Variants in EXOC4 observed in about 807,000 individuals in gnomAD.
EXOC4 encodes exocyst complex component 4.
Under a neutral mutation model 107.2 loss-of-function variants are expected in EXOC4, and 71 were observed. That is an observed-to-expected ratio of 0.66 (90% CI 0.55 to 0.81). EXOC4 has a LOEUF of 0.81. EXOC4 is among the 30% of genes least tolerant of loss of function. EXOC4 has a pLI of 0.00. For synonymous variants in EXOC4, 456 were observed against 441.2 expected (o/e 1.03, Z -0.42); for missense variants, 1,108 against 1,189.6 (o/e 0.93, Z 1.01).
At chr7:133,363,291 A>AT (rs1218861651) in intron 6 of EXOC4, among the ~76,000 whole-genome samples, 2 of 152,000 alleles carry the variant, frequency 1.3e-5, no homozygotes, top group Non-Finnish European at 2.9e-5. Context: ...TGAAAGGATA[A>AT]TTTTTTTTAC....
chr7:134,023,551 G>GAATTAA (rs1187919804), intron 17 of EXOC4, among the ~76,000 whole-genome samples: 1 of 151,818 alleles, frequency 6.6e-6, no homozygotes, highest in East Asian at 1.9e-4. Context: ...GTATGTTTAC[G>GAATTAA]AATTAACTTT....
At chr7:133,956,815 G>A (rs1380269055) in intron 14 of EXOC4, among the ~76,000 whole-genome samples, 1 of 152,182 alleles carries the variant, frequency 6.6e-6, no homozygotes, top group African/African-American at 2.4e-5. Flanking sequence ...TCTTAATGGG[G>A]AAAAGCTGCA....
chr7:133,921,155 A>G (rs917351040), intron 13 of EXOC4, among the ~76,000 whole-genome samples: 5 of 152,192 alleles, frequency 3.3e-5, no homozygotes, highest in African/African-American at 9.6e-5. Flanking sequence ...GGGTGGGGCT[A>G]GTGTAAGTCA....
intron 11 of EXOC4, among the ~76,000 whole-genome samples, chr7:133,823,391 G>A (rs1797571676): frequency 6.6e-6 from 1 of 152,088 alleles, no homozygotes; most frequent in African/African-American, 2.4e-5. Context: ...TCAGGGGTGG[G>A]GCGTGCTTGG....
intron 10 of EXOC4, among the ~76,000 whole-genome samples, chr7:133,791,786 C>T (rs1052580258): frequency 6.6e-6 from 1 of 152,110 alleles, no homozygotes; most frequent in African/African-American, 2.4e-5. Context: ...CCACCACAAA[C>T]TATGTTATTG....
At chr7:133,622,739 T>C (rs1802364516) in intron 9 of EXOC4, among the ~76,000 whole-genome samples, 1 of 152,168 alleles carries the variant, frequency 6.6e-6, no homozygotes. Context: ...ATGGAAAATA[T>C]TTTGTGTGTC....
intron 7 of EXOC4, among the ~76,000 whole-genome samples, chr7:133,404,891 CA>C (rs1797180457): frequency 9.0e-5 from 3 of 33,250 alleles, no homozygotes; most frequent in African/African-American, 3.6e-4. Context: ...CCAATACACA[CA>C]CACACACACA....
chr7:134,019,040 C>G (rs1363810853), intron 17 of EXOC4, among the ~76,000 whole-genome samples: 1 of 152,180 alleles, frequency 6.6e-6, no homozygotes, highest in Non-Finnish European at 1.5e-5. Flanking sequence ...AGCGATTCTC[C>G]TGCCTCAGCC....
At chr7:133,438,992 T>G (rs1371397619) in intron 7 of EXOC4, among the ~76,000 whole-genome samples, 1 of 152,150 alleles carries the variant, frequency 6.6e-6, no homozygotes, top group Non-Finnish European at 1.5e-5. Flanking sequence ...AGGTTTGGTT[T>G]TACTTCTGCC....
chr7:134,031,144 G>A (rs1795262004), intron 17 of EXOC4, among the ~76,000 whole-genome samples: 1 of 152,188 alleles, frequency 6.6e-6, no homozygotes, highest in Admixed American at 6.5e-5. Context: ...ACAGCTAAAG[G>A]ATACAGGGTT....
intron 10 of EXOC4, among the ~76,000 whole-genome samples, chr7:133,705,525 C>A (rs767945173): frequency 1.5e-4 from 23 of 152,172 alleles, no homozygotes; most frequent in Admixed American, 3.9e-4. Context: ...CTATCTGTGA[C>A]TTCAGTTACC....
rs1181946643 is a variant in EXOC4 at position 133,356,326 on chromosome 7, T to C, written c.764-4T>C. 1.3e-5 allele frequency: 21 copies of C among 1,613,134 alleles called. No individual in the cohort carries two copies. The highest frequency in any genetic ancestry group is 1.7e-5 in the Non-Finnish European group (20 of 1,179,704). ...TCTATTATTGTTATTATTTAATTTT[T>C]CAGTGAGGGAGATAAATCTGCAGGA... is the stretch of plus-strand genomic sequence containing the variant. On this transcript the variant is annotated splice_region_variant and splice_polypyrimidine_tract_variant and intron_variant, in intron 5 of 17. Transcript: ENST00000253861.
chr7:133,256,496 C>T (rs1039712857), intron 1 of EXOC4, among the ~76,000 whole-genome samples: 2 of 152,178 alleles, frequency 1.3e-5, no homozygotes, highest in Non-Finnish European at 2.9e-5. Context: ...TTTCCATGGA[C>T]TTATTTTGTC....
chr7:134,080,400 T>TC, the EXOC4 span, among the ~76,000 whole-genome samples: 2 of 145,124 alleles, frequency 1.4e-5, no homozygotes, highest in African/African-American at 2.7e-5. Flanking sequence ...GAGTAGGAGA[T>TC]ATTAATAAGT....
At chr7:133,624,944 C>G (rs1167225043) in intron 9 of EXOC4, among the ~76,000 whole-genome samples, 2 of 151,200 alleles carry the variant, frequency 1.3e-5, no homozygotes, top group African/African-American at 4.9e-5. Context: ...ATGGCTAACA[C>G]TATCTAATGT....
intron 7 of EXOC4, among the ~76,000 whole-genome samples, chr7:133,389,617 A>T (rs1796806648): frequency 6.7e-6 from 1 of 148,710 alleles, no homozygotes; most frequent in Admixed American, 6.7e-5. Context: ...GTCAGGTTGA[A>T]GTTGTGAACC....
At chr7:134,021,419 A>G (rs1456887254) in intron 17 of EXOC4, among the ~76,000 whole-genome samples, 1 of 152,212 alleles carries the variant, frequency 6.6e-6, no homozygotes, top group South Asian at 2.1e-4. Flanking sequence ...TAAAGGTCTT[A>G]TAAGGCTCTG....
intron 14 of EXOC4, among the ~76,000 whole-genome samples, chr7:133,940,492 G>C (rs1400346909): frequency 6.6e-6 from 1 of 152,150 alleles, no homozygotes; most frequent in African/African-American, 2.4e-5. Flanking sequence ...TCCACCCAGT[G>C]AGTGATTTAA....
At chr7:133,957,012 T>C (rs1433643382) in intron 14 of EXOC4, among the ~76,000 whole-genome samples, 1 of 152,098 alleles carries the variant, frequency 6.6e-6, no homozygotes, top group Non-Finnish European at 1.5e-5. Context: ...GAGAACTATA[T>C]AGAGAGGCTA....
Sources: gnomAD v4.1 joint callset for allele counts (sites outside exome capture counted in the v4.1 genomes callset) on GRCh38, gnomAD v4.1.1 for gene constraint, MANE v1.5 for transcripts, NCBI Gene and HGNC (gene_info 2026-07-23, HGNC 2026-07-21) for gene names.